UFL1: variants seen among roughly 807,000 people sequenced by gnomAD.
UFL1 encodes the protein E3 UFM1-protein ligase 1.
In UFL1, 78 loss-of-function variants were observed where a neutral mutation model predicts 99.3. That is an observed-to-expected ratio of 0.79 (90% CI 0.65 to 0.95). The LOEUF (loss-of-function observed/expected upper bound fraction) is 0.95. UFL1 is among the 40% of genes least tolerant of loss of function. UFL1 has a pLI of 0.00. For synonymous variants in UFL1, 335 were observed against 322.2 expected (o/e 1.04, Z -0.42); for missense variants, 936 against 937.0 (o/e 1.00, Z 0.01).
At chr6:96,523,669 A>T (rs1179278484) in intron 2 of UFL1, among the ~76,000 whole-genome samples, 4 of 152,318 alleles carry the variant, frequency 2.6e-5, no homozygotes, top group African/African-American at 9.6e-5. Context: ...TTGAAAATCA[A>T]GGCTGTATTT....
rs1311233105 is a variant in UFL1, at chr6:96,549,435, A to C, written c.1544A>C (p.Glu515Ala). The C allele has an allele frequency of 6.3e-7, 1 of 1,597,046 alleles. No homozygotes were observed. Among genetic ancestry groups the C allele is most frequent in the Non-Finnish European group, 8.5e-7 (1 of 1,175,330 alleles). ...LIKPLNKTYL[E>A]VVRSVFMSST... ...AGACCTCTTAATAAAACTTATCTCGAGGTGGTACGTTCAGTATTCATGTCT... is the reference window on the plus strand; with the variant it reads ...AGACCTCTTAATAAAACTTATCTCGCGGTGGTACGTTCAGTATTCATGTCT... Residue 515 changes from glutamate (E) to alanine (A), a missense_variant, in exon 14 of 19, where the codon GAG (glutamate) becomes GCG (alanine). Transcript: ENST00000369278.
intron 9 of UFL1, among the ~76,000 whole-genome samples, chr6:96,537,857 C>T (rs1426814561): frequency 6.6e-6 from 1 of 151,882 alleles, no homozygotes; most frequent in Non-Finnish European, 1.5e-5. Flanking sequence ...GCCGTACTGG[C>T]ATCAGGCATT....
intron 12 of UFL1, among the ~76,000 whole-genome samples, chr6:96,544,181 A>G (rs557127458): frequency 6.6e-6 from 1 of 151,174 alleles, no homozygotes; most frequent in East Asian, 1.9e-4. Context: ...TTTTACTTTC[A>G]TAGTAACACC....
chr6:96,545,689 C>A (rs74456195), intron 12 of UFL1, among the ~76,000 whole-genome samples: 6,823 of 150,968 alleles, frequency 0.045, 452 homozygotes, highest in African/African-American at 0.14. Flanking sequence ...TTTTGAAATA[C>A]TTGTTTTGAT....
At chr6:96,527,060 G>GT (rs2127949019) in intron 5 of UFL1, among the ~76,000 whole-genome samples, 1 of 152,260 alleles carries the variant, frequency 6.6e-6, no homozygotes, top group Non-Finnish European at 1.5e-5. Context: ...ATTTGTGTCA[G>GT]TACTCAAATA....
At chr6:96,534,382 C>G (rs977103353) in intron 7 of UFL1, 61 bp downstream of exon 7, 2 of 1,228,558 alleles carry the variant, frequency 1.6e-6, no homozygotes, top group African/African-American at 3.2e-5. Context: ...TAATGTAAAA[C>G]TTACTAACTT....
chr6:96,524,261 A>G lies in UFL1; in HGVS notation c.224-121A>G, dbSNP rs1769668605. 1.2e-5 allele frequency: 10 copies of G among 823,922 alleles called. No homozygotes were observed. In the South Asian group the frequency reaches 1.8e-4, roughly 15 times the overall value. The allele number at this position is 823,922 out of a possible 1,614,324, so 51.0% of individuals were successfully genotyped here. A position where few individuals can be genotyped will look rare whatever the true frequency, so the allele number is the denominator to read the frequency against. ...TAATGGTGTGTATTTGAAGACATTG[A>G]TTATTCTGGCTCTCTGTTCTATGCA... On this transcript the variant is annotated intron_variant, in intron 2 of 18. Transcript: ENST00000369278.
intron 8 of UFL1, 100 bp from the exon 9 acceptor site, chr6:96,537,274 C>A: frequency 9.8e-7 from 1 of 1,022,524 alleles, no homozygotes; most frequent in Non-Finnish European, 1.3e-6. Context: ...AGGTAGACAT[C>A]TCTAATAACT....
chr6:96,522,856 C>G, intron 1 of UFL1: 1 of 229,206 alleles, frequency 4.4e-6, no homozygotes, highest in Non-Finnish European at 8.4e-6. Context: ...TTCAATTTTC[C>G]CTTCAGATTT....
In UFL1 at chr6:96,521,858, T is replaced by C; in HGVS notation, c.-16T>C. The C allele has an allele frequency of 1.9e-6, 3 of 1,609,806 alleles. No individual in the cohort carries two copies. The highest frequency in any genetic ancestry group is 2.5e-6 in the Non-Finnish European group (3 of 1,178,638). The stretch of plus-strand genomic sequence containing the variant: ...GTGTCTGCAGTTCCTCCGCGTCTAC[T>C]GCGAGTCAGGCCGTGATGGCGGACG... On this transcript the variant is annotated 5_prime_UTR_variant, in exon 1 of 19. Transcript: ENST00000369278.
At position 96,542,969 on chromosome 6, in the gene UFL1, G is replaced by A. The variant is rs747672258; in HGVS notation, c.1355G>A (p.Gly452Glu). The change falls in exon 12 of 19, where the codon GGA becomes GAA. Residue 452 changes from glycine to glutamate, a missense_variant. Coordinates refer to ENST00000369278, the MANE Select transcript of UFL1 (RefSeq NM_015323.5). ...AAAATTAAAAAAGTCAAGAAGAAAG[G>A]AAGAAAAGATGATGATAGTGATGAT... The part of the protein sequence containing the change: ...EYKIKKVKKK[G>E]RKDDDSDDES... 10 of 1,599,554 alleles carry A rather than the reference G, an allele frequency of 6.3e-6. No individual in the cohort carries two copies. In the African/African-American group the frequency reaches 1.1e-4, roughly 17 times the overall value.
intron 4 of UFL1, among the ~76,000 whole-genome samples, chr6:96,525,684 A>G (rs971651275): frequency 6.6e-6 from 1 of 151,960 alleles, no homozygotes; most frequent in South Asian, 2.1e-4. Flanking sequence ...CAAATTAAAA[A>G]AAAAAAAAAA....
intron 13 of UFL1, 91 bp downstream of exon 13, chr6:96,548,372 A>G (rs1036496952): frequency 3.9e-6 from 3 of 778,312 alleles, no homozygotes; most frequent in Non-Finnish European, 5.9e-6. Context: ...AAGCAAATGT[A>G]TTAGATATTT....
chr6:96,543,157 C>A (rs1273631169), intron 12 of UFL1, 141 bp downstream of exon 12: 3 of 915,132 alleles, frequency 3.3e-6, no homozygotes, highest in Non-Finnish European at 4.8e-6. Context: ...TTTCAGTTAC[C>A]ACACTTTAGT....
chr6:96,540,422 A>G (rs1562254500), intron 10 of UFL1, 113 bp from the exon 11 acceptor site: 3 of 1,328,000 alleles, frequency 2.3e-6, no homozygotes, highest in African/African-American at 1.5e-5. Flanking sequence ...ACAAAGCTCT[A>G]TAGTTCTAAG....
Position 96,551,843 on chromosome 6 carries a change from AG to A in UFL1, c.1906del (p.Glu636LysfsTer18). ...GGTATTCAATGCCTTTTCAGAGCAT[AG>A]AAGACTTTATTTCTTGTCTGGATTC... is the stretch of plus-strand genomic sequence containing the variant. ...LHNSLNEKSI[E>X]DFISCLDSAA... On this transcript the variant is annotated frameshift_variant, in exon 17 of 19. Coordinates refer to ENST00000369278, the MANE Select transcript of UFL1 (RefSeq NM_015323.5). LOFTEE classifies it high-confidence loss of function. 3 of 1,602,002 alleles carry A rather than the reference AG, an allele frequency of 1.9e-6. No individual in the cohort carries two copies. The highest frequency in any genetic ancestry group is 2.6e-6 in the Non-Finnish European group (3 of 1,172,772).
Position 96,541,674 on chromosome 6 carries a change from T to A in UFL1, c.1279+1019T>A, listed in dbSNP as rs992414963. Among the ~76,000 whole-genome samples, 8 of 151,382 alleles carry A rather than the reference T, an allele frequency of 5.3e-5. No individual in the cohort carries two copies. The South Asian group carries it at 1.7e-3, about 31-fold the overall frequency. On this transcript the variant is annotated intron_variant, in intron 11 of 18. Coordinates refer to ENST00000369278, the MANE Select transcript of UFL1 (RefSeq NM_015323.5). ...ATATTTTATCATATATTTGAAGATA[T>A]AGTTATAAATTTGCCTTACTCAATT...
intron 11 of UFL1, among the ~76,000 whole-genome samples, chr6:96,542,241 A>G (rs1415065082): frequency 2.0e-5 from 3 of 151,214 alleles, no homozygotes; most frequent in Non-Finnish European, 4.4e-5. Context: ...TTTTAAGTCT[A>G]TAGTCAATAG....
chr6:96,525,927 A>G (rs1769693390), intron 4 of UFL1, among the ~76,000 whole-genome samples: 1 of 151,906 alleles, frequency 6.6e-6, no homozygotes, highest in Non-Finnish European at 1.5e-5. Flanking sequence ...TAAGTTTGCT[A>G]ATTAAAAAAT....
Sources: allele counts gnomAD v4.1 joint callset (sites outside exome capture counted in the v4.1 genomes callset), GRCh38; gene constraint gnomAD v4.1.1; transcripts MANE v1.5; gene names NCBI Gene and HGNC (gene_info 2026-07-23, HGNC 2026-07-21).